Variants in NLRX1 observed in about 807,000 individuals in gnomAD.
The protein encoded by NLRX1 is NLR family member X1, also known as NOD-like receptor X1.
Under a neutral mutation model 74.2 loss-of-function variants are expected in NLRX1, and 67 were observed. The observed-to-expected ratio is 0.90, with a 90% CI of 0.74 to 1.11. NLRX1 has a LOEUF of 1.11. Ranked by LOEUF, NLRX1 falls within the 50% of genes least tolerant of loss-of-function variation. The pLI is 0.00. For missense variants in NLRX1, 1,191 were observed against 1,305.4 expected (o/e 0.91, Z 1.35); for synonymous variants, 506 against 559.1 (o/e 0.91, Z 1.34).
chr11:119,172,810 G>C (rs1276872512), intron 3 of NLRX1, 91 bp from the exon 4 acceptor site: 2 of 932,174 alleles, frequency 2.1e-6, no homozygotes, highest in Admixed American at 1.7e-5. Flanking sequence ...GAAACCAGAA[G>C]TCTAGCAGTG....
chr11:119,173,823 G>T lies in NLRX1; in HGVS notation c.574G>T (p.Glu192Ter), dbSNP rs146286979. ...DWCYGRLPAF[E>*]LLIPFSCEDL... Reference sequence around the variant, plus strand: ...GTGTTATGGGCGGCTGCCGGCCTTCGAGCTGCTCATCCCCTTCTCCTGTGA... The same window carrying T: ...GTGTTATGGGCGGCTGCCGGCCTTCTAGCTGCTCATCCCCTTCTCCTGTGA... The change falls in exon 5 of 10, where the codon GAG (glutamate) becomes TAG (stop). Residue 192 changes from glutamate to a stop codon, truncating the protein, a stop_gained. Transcript: ENST00000409109. LOFTEE classifies it high-confidence loss of function. This position sits in a 1 kb window ranked among gnomAD's most constrained non-coding sequence, Gnocchi z 4.0. 576 of 1,613,352 alleles carry T rather than the reference G, an allele frequency of 3.6e-4. No individual in the cohort carries two copies. The highest frequency in any genetic ancestry group is 4.6e-4 in the Non-Finnish European group (548 of 1,180,046).
chr11:119,171,067 C>G (rs1009942481), intron 1 of NLRX1, among the ~76,000 whole-genome samples: 2 of 151,972 alleles, frequency 1.3e-5, no homozygotes, highest in Non-Finnish European at 2.9e-5. Flanking sequence ...CGCTTGGGCC[C>G]GGGAGGCATA....
chr11:119,171,567 T>G, intron 2 of NLRX1, 94 bp downstream of exon 2: 2 of 848,238 alleles, frequency 2.4e-6, no homozygotes, highest in Non-Finnish European at 1.9e-6. Context: ...AGACACCAGG[T>G]GCACTAGTCT....
Position 119,174,715 on chromosome 11 carries a change from C to T in NLRX1, c.1112C>T (p.Pro371Leu), listed in dbSNP as rs867717351. 3 of 1,613,950 alleles carry T rather than the reference C, an allele frequency of 1.9e-6. No homozygotes were observed. The highest frequency in any genetic ancestry group is 2.5e-6 in the Non-Finnish European group (3 of 1,180,052). Residue 371 changes from proline to leucine, a missense_variant, in exon 6 of 10, where the codon CCG becomes CTG. Transcript: ENST00000409109. ...HHQIAAACFL[P>L]SYCWLVCATL... ...CAGATAGCCGCTGCCTGCTTCCTGC[C>T]GTCCTATTGCTGGCTCGTTTGTGCC...
intron 5 of NLRX1, 64 bp from the exon 6 acceptor site, chr11:119,174,389 T>C: frequency 6.6e-7 from 1 of 1,522,082 alleles, no homozygotes. Context: ...AGGGGTCCCC[T>C]GGGAATAGAA....
chr11:119,172,264 C>A, intron 2 of NLRX1, 92 bp from the exon 3 acceptor site: 2 of 957,102 alleles, frequency 2.1e-6, no homozygotes, highest in African/African-American at 1.6e-5. Flanking sequence ...GTACATGCTG[C>A]TATGAGAGCA....
intron 3 of NLRX1, 125 bp downstream of exon 3, chr11:119,172,550 G>T (rs563325829): frequency 5.4e-6 from 4 of 739,282 alleles, no homozygotes; most frequent in Non-Finnish European, 7.1e-6. Flanking sequence ...CTTTGGGGGT[G>T]GGAGGACAGT....
rs373535156 is a variant in NLRX1 at position 119,173,024 on chromosome 11, G to A, written c.229+35G>A. ...CTGGCTGGGACCCTGGTCAGGGGGT[G>A]TGGTGGGCAGACGGGGCTGGAAGGA... On this transcript the variant is annotated intron_variant, in intron 4 of 9. Transcript: ENST00000409109. The surrounding 1 kb of genome is among the most constrained non-coding windows in gnomAD (Gnocchi z 4.0). 1 of 1,551,364 alleles carries A rather than the reference G, an allele frequency of 6.4e-7. No homozygotes were observed. Among genetic ancestry groups the A allele is most frequent in the Admixed American group, 1.7e-5 (1 of 59,882 alleles).
intron 6 of NLRX1, among the ~76,000 whole-genome samples, chr11:119,175,554 A>G (rs1428767747): frequency 1.3e-5 from 2 of 152,120 alleles, no homozygotes; most frequent in African/African-American, 2.4e-5. Context: ...ATAATGCTAC[A>G]TGGATTCCTA....
At position 119,182,262 on chromosome 11, in the gene NLRX1, C is replaced by A; in HGVS notation, c.2523C>A (p.Asn841Lys). 1 of 1,613,808 alleles carries A rather than the reference C, an allele frequency of 6.2e-7. No homozygotes were observed. Among genetic ancestry groups the A allele is most frequent in the African/African-American group, 1.3e-5 (1 of 75,058 alleles). ...GCAACCGGCAGCTGCAGGAGCTGAA[C>A]GTGGCGTACAACGGTGCTGGTGACA... is the stretch of plus-strand genomic sequence containing the variant. ...LDRNRQLQEL[N>K]VAYNGAGDTA... is the part of the protein sequence containing the mutation. The change falls in exon 9 of 10, where the codon AAC becomes AAA. Residue 841 changes from asparagine to lysine, a missense_variant. Asn to Lys is a moderately conservative substitution (Grantham distance 94). Transcript: ENST00000409109.
chr11:119,182,064 C>T lies in NLRX1; in HGVS notation c.2355-30C>T, dbSNP rs558053321. 15 of 1,609,162 alleles carry T rather than the reference C, an allele frequency of 9.3e-6. No individual in the cohort carries two copies. The African/African-American group carries it at 1.9e-4, about 20-fold the overall frequency. ...TGCCTCCCCCTCCTCTCAATGAGCCCTCATAACCTTGGGTTGCACGTGGCT... is the reference window on the plus strand; with the variant it reads ...TGCCTCCCCCTCCTCTCAATGAGCCTTCATAACCTTGGGTTGCACGTGGCT... On this transcript the variant is annotated intron_variant, in intron 8 of 9. Transcript: ENST00000409109.
At chr11:119,182,057 A>G (rs760917205) in intron 8 of NLRX1, 37 bp from the exon 9 acceptor site, 7 of 1,603,442 alleles carry the variant, frequency 4.4e-6, no homozygotes, top group South Asian at 1.1e-5. Flanking sequence ...CCTCCTCTCA[A>G]TGAGCCCTCA....
Position 119,173,563 on chromosome 11 carries a change from C to G in NLRX1, c.314C>G (p.Ala105Gly). 1.2e-6 allele frequency: 2 copies of G among 1,614,166 alleles called. No individual in the cohort carries two copies. Among genetic ancestry groups the G allele is most frequent in the East Asian group, 4.5e-5 (2 of 44,876 alleles). ...GAGCGCCAGTTTGGCCCAACCTTTG[C>G]CCTAGACACGGTCCACGTTGACCCT... is the stretch of plus-strand genomic sequence containing the variant. ...REERQFGPTF[A>G]LDTVHVDPVI... The change falls in exon 5 of 10, where the codon GCC (alanine) becomes GGC (glycine). Residue 105 changes from alanine to glycine, a missense_variant. Transcript: ENST00000409109. The surrounding 1 kb of genome is among the most constrained non-coding windows in gnomAD (Gnocchi z 4.0).
At chr11:119,182,397 C>G in intron 9 of NLRX1, 52 bp downstream of exon 9, 2 of 1,579,808 alleles carry the variant, frequency 1.3e-6, no homozygotes, top group Non-Finnish European at 1.7e-6. Flanking sequence ...CTACTTCCCT[C>G]TCTCAACTGT....
rs758228061 is a variant in NLRX1, at chr11:119,181,149, C to G, written c.2268-22C>G. ...TTCCCTCCCTGGTCTCTCACCTCCC[C>G]TCTGGCCACCTTCTGCTCCAGCTTG... is the stretch of plus-strand genomic sequence containing the variant. On this transcript the variant is annotated intron_variant, in intron 7 of 9. Coordinates refer to ENST00000409109, the MANE Select transcript of NLRX1 (RefSeq NM_001282144.2). The G allele has an allele frequency of 8.8e-6, 14 of 1,599,194 alleles. No homozygotes were observed. In the Admixed American group the frequency reaches 2.2e-4, roughly 25 times the overall value.
rs763182899 is a variant in NLRX1 at position 119,172,891 on chromosome 11, T to C, written c.141-10T>C. ...ACAAGTCCCAGCTCATCCCCTCTCCTTGTTCCCAGGGCCTTTATACGCCAC... is the reference window on the plus strand; with the variant it reads ...ACAAGTCCCAGCTCATCCCCTCTCCCTGTTCCCAGGGCCTTTATACGCCAC... On this transcript the variant is annotated splice_polypyrimidine_tract_variant and intron_variant, in intron 3 of 9. Coordinates refer to ENST00000409109, the MANE Select transcript of NLRX1 (RefSeq NM_001282144.2). 1.2e-6 allele frequency: 2 copies of C among 1,610,998 alleles called. No homozygotes were observed. The highest frequency in any genetic ancestry group is 2.2e-5 in the East Asian group (1 of 44,832).
chr11:119,172,069 G>A (rs1035625816), intron 2 of NLRX1, among the ~76,000 whole-genome samples: 2 of 152,168 alleles, frequency 1.3e-5, no homozygotes, highest in African/African-American at 4.8e-5. Context: ...CTGAGTGCCT[G>A]CCGTACCGCA....
chr11:119,182,992 A>G (rs1194061309), intron 9 of NLRX1, 126 bp from the exon 10 acceptor site: 3 of 773,456 alleles, frequency 3.9e-6, no homozygotes, highest in Non-Finnish European at 6.2e-6. Flanking sequence ...GGCTCATTGC[A>G]GTTACCTGAT....
Position 119,183,255 on chromosome 11 carries a change from G to A in NLRX1, c.2744G>A (p.Ser915Asn). ...AVSEYWSVIL[S>N]EVQRNLNSWD... ...TCAGAATACTGGTCAGTGATCCTCA[G>A]TGAAGTCCAGCGGAACCTCAATAGC... The change falls in exon 10 of 10, where the codon AGT becomes AAT. Residue 915 changes from serine (S) to asparagine (N), a missense_variant. Transcript: ENST00000409109. The surrounding 1 kb of genome is among the most constrained non-coding windows in gnomAD (Gnocchi z 5.7). The A allele has an allele frequency of 6.2e-7, 1 of 1,614,246 alleles. No individual in the cohort carries two copies. Among genetic ancestry groups the A allele is most frequent in the South Asian group, 1.1e-5 (1 of 91,084 alleles).
Sources: allele counts gnomAD v4.1 joint callset (sites outside exome capture counted in the v4.1 genomes callset), GRCh38; gene constraint gnomAD v4.1.1; non-coding constraint Gnocchi (gnomAD v3.1); transcripts MANE v1.5; gene names NCBI Gene and HGNC (gene_info 2026-07-23, HGNC 2026-07-21).